CWC22: variants seen among roughly 807,000 people sequenced by gnomAD.
CWC22 encodes CWC22 spliceosome associated protein.
In CWC22, 53 loss-of-function variants were observed where a neutral mutation model predicts 117.2. That is an observed-to-expected ratio of 0.45 (90% CI 0.36 to 0.57). CWC22 has a LOEUF of 0.57. Among genes scored for constraint, CWC22 ranks in the 20% least tolerant of loss-of-function variants. CWC22 has a pLI of 0.00. For synonymous variants in CWC22, 360 were observed against 355.6 expected (o/e 1.01, Z -0.14); for missense variants, 980 against 1,068.8 (o/e 0.92, Z 1.16).
intron 14 of CWC22, among the ~76,000 whole-genome samples, chr2:179,955,349 G>A (rs1686560424): frequency 6.6e-6 from 1 of 151,842 alleles, no homozygotes; most frequent in African/African-American, 2.4e-5. Context: ...TTAATACACT[G>A]CATTCTTAAA....
intron 19 of CWC22, among the ~76,000 whole-genome samples, chr2:179,948,110 T>C (rs1001139260): frequency 7.2e-5 from 11 of 152,184 alleles, no homozygotes; most frequent in African/African-American, 2.4e-4. Flanking sequence ...TGAAAATAAC[T>C]AGAAATGCCA....
chr2:179,955,412 A>C (rs891266508), intron 14 of CWC22, among the ~76,000 whole-genome samples: 1 of 151,992 alleles, frequency 6.6e-6, no homozygotes, highest in Admixed American at 6.6e-5. Flanking sequence ...AACATCTAAC[A>C]ATTCAGTTAC....
In CWC22 at chr2:179,973,118, G is replaced by A; in HGVS notation, c.804+75C>T. 6 of 804,694 alleles carry A rather than the reference G, an allele frequency of 7.5e-6. No individual in the cohort carries two copies. In the South Asian group the frequency reaches 1.1e-4, roughly 15 times the overall value. 49.8% of individuals were successfully genotyped at this position (804,694 alleles called of 1,614,324 possible). ...CTATAAAGCAAAGCAAAAATAGAGA[G>A]GTATCAGTGAAGTGGCATCAACCCT... On this transcript the variant is annotated intron_variant, in intron 8 of 19. Coordinates refer to ENST00000410053, the MANE Select transcript of CWC22 (RefSeq NM_020943.3).
chr2:179,961,998 T>C (rs562209582), intron 13 of CWC22, among the ~76,000 whole-genome samples: 2 of 152,190 alleles, frequency 1.3e-5, no homozygotes, highest in African/African-American at 4.8e-5. Context: ...ATGGTTTTGT[T>C]GATGTGTCCA....
rs1686324896 is a variant in CWC22 at position 179,947,021 on chromosome 2, A to T, written c.2141-1306T>A. 2.0e-5 allele frequency among the ~76,000 whole-genome samples: 3 copies of T among 152,230 alleles called. No individual in the cohort carries two copies. The South Asian group carries it at 6.2e-4, about 31-fold the overall frequency. ...TGGTTATACTGAAATAACCACTTTA[A>T]GCAATAAAACAAACTTAATCAGTTT... is the stretch of plus-strand genomic sequence containing the variant. On this transcript the variant is annotated intron_variant, in intron 19 of 19. Coordinates refer to ENST00000410053, the MANE Select transcript of CWC22 (RefSeq NM_020943.3).
chr2:179,995,166 T>G (rs1205659467), intron 1 of CWC22, among the ~76,000 whole-genome samples: 5 of 152,236 alleles, frequency 3.3e-5, no homozygotes, highest in Admixed American at 3.3e-4. Context: ...TAAATCCTGA[T>G]GCCCACAGAC....
chr2:179,981,928 T>A lies in CWC22; in HGVS notation c.276A>T (p.Pro92=). 1 of 1,583,116 alleles carries A rather than the reference T, an allele frequency of 6.3e-7. No individual in the cohort carries two copies. Among genetic ancestry groups the A allele is most frequent in the Non-Finnish European group, 8.6e-7 (1 of 1,163,070 alleles). ...TTTCTGGGTTTCTCCTCCCAGGAGA[T>A]GGGGATTTCCGAGACCTTTTCCGAT... ...DTDRKRSRKS[P]SPGRRNPETS... Residue 92 remains proline (P), a synonymous_variant, in exon 5 of 20, where the codon CCA becomes CCT. Transcript: ENST00000410053.
intron 2 of CWC22, among the ~76,000 whole-genome samples, chr2:179,989,069 AC>A (rs1417873272): frequency 1.3e-5 from 2 of 150,646 alleles, no homozygotes; most frequent in East Asian, 1.9e-4. Flanking sequence ...ATCCCTAACC[AC>A]CCCCCTACTC....
chr2:179,965,467 C>T (rs1414370513), intron 12 of CWC22, among the ~76,000 whole-genome samples: 1 of 152,138 alleles, frequency 6.6e-6, no homozygotes, highest in African/African-American at 2.4e-5. Context: ...TCTATTTTGC[C>T]AAAATGAACA....
At chr2:179,992,979 C>CAG (rs1687606128) in intron 2 of CWC22, among the ~76,000 whole-genome samples, 1 of 150,742 alleles carries the variant, frequency 6.6e-6, no homozygotes, top group African/African-American at 2.5e-5. Flanking sequence ...TATATGCAGG[C>CAG]CCCTGACGCA....
rs536287146 is a variant in CWC22 at position 179,964,825 on chromosome 2, G to C, written c.1316-197C>G. On this transcript the variant is annotated intron_variant, in intron 12 of 19. Transcript: ENST00000410053. ...AGTCTTTTGCTATATGACAATGTTA[G>C]CTCAAAGAAGTCCAGTACCAAGCCA... Among the ~76,000 whole-genome samples the C allele has an allele frequency of 3.8e-3, 582 of 152,146 alleles. 3 individuals carry two copies. Among genetic ancestry groups the C allele is most frequent in the African/African-American group, 0.014 (563 of 41,510 alleles).
chr2:179,946,949 TCAAA>T (rs1412062509), intron 19 of CWC22, among the ~76,000 whole-genome samples: 3 of 152,148 alleles, frequency 2.0e-5, no homozygotes, highest in Non-Finnish European at 4.4e-5. Flanking sequence ...TGAAAAGACC[TCAAA>T]CAATTTGATT....
chr2:179,955,534 TAAAGTTAACGTTGA>T (rs2105511584), intron 14 of CWC22, among the ~76,000 whole-genome samples: 1 of 152,066 alleles, frequency 6.6e-6, no homozygotes, highest in South Asian at 2.1e-4. Context: ...AACGTTAACA[TAAAGTTAACGTTGA>T]TAAAGAAACA....
At chr2:179,994,615 T>C (rs528035247) in intron 1 of CWC22, among the ~76,000 whole-genome samples, 6 of 152,294 alleles carry the variant, frequency 3.9e-5, no homozygotes, top group African/African-American at 1.2e-4. Flanking sequence ...ATTACAATGA[T>C]TGGCATGGTG....
chr2:180,004,903 A>C (rs1266593533), intron 1 of CWC22, among the ~76,000 whole-genome samples: 2 of 152,106 alleles, frequency 1.3e-5, no homozygotes, highest in African/African-American at 4.8e-5. Context: ...CTTTGGAGCA[A>C]GGAGGGCAGC....
intron 4 of CWC22, 150 bp from the exon 5 acceptor site, chr2:179,982,147 G>C: frequency 4.9e-6 from 3 of 609,954 alleles, no homozygotes; most frequent in Non-Finnish European, 8.6e-6. Flanking sequence ...GTTTCACAGA[G>C]AAAATTCAAC....
intron 2 of CWC22, 69 bp from the exon 3 acceptor site, chr2:179,988,713 G>T: frequency 2.6e-6 from 2 of 772,426 alleles, no homozygotes; most frequent in South Asian, 2.1e-5. Context: ...TGAAATACAT[G>T]GCTTAGAAAG....
chr2:179,997,715 T>C (rs933955983), intron 1 of CWC22, among the ~76,000 whole-genome samples: 1 of 152,200 alleles, frequency 6.6e-6, no homozygotes, highest in African/African-American at 2.4e-5. Flanking sequence ...CAACAAATAA[T>C]ACAGCACTTC....
intron 2 of CWC22, among the ~76,000 whole-genome samples, chr2:179,991,155 T>C (rs1411014876): frequency 6.6e-6 from 1 of 152,026 alleles, no homozygotes; most frequent in East Asian, 1.9e-4. Flanking sequence ...TCCAACAATG[T>C]AGGGAGAGCA....
Sources: gnomAD v4.1 joint callset for allele counts (sites outside exome capture counted in the v4.1 genomes callset) on GRCh38, gnomAD v4.1.1 for gene constraint, MANE v1.5 for transcripts, NCBI Gene and HGNC (gene_info 2026-07-23, HGNC 2026-07-21) for gene names.